The following B3GNT3 variants were observed in gnomAD, a reference collection of about 807,000 sequenced individuals.
B3GNT3 encodes the protein N-acetyllactosaminide beta-1,3-N-acetylglucosaminyltransferase 3.
B3GNT3 carries 7 observed loss-of-function variants against 11.6 expected under a neutral mutation model. That is an observed-to-expected ratio of 0.60 (90% CI 0.34 to 1.13). B3GNT3 has a LOEUF of 1.13. Ranked by LOEUF, B3GNT3 falls within the 50% of genes most tolerant of loss-of-function variation. The pLI is 0.03. For missense variants in B3GNT3, 400 were observed against 507.4 expected, an observed-to-expected ratio of 0.79 and a Z score of 2.03; for synonymous variants, 201 against 222.1, an observed-to-expected ratio of 0.90 and a Z score of 0.85.
intron 1 of B3GNT3, among the ~76,000 whole-genome samples, chr19:17,799,673 A>G (rs890378481): frequency 3.3e-5 from 5 of 151,960 alleles, no homozygotes; most frequent in African/African-American, 1.2e-4. Flanking sequence ...CCCTTCCTCA[A>G]CGGCTGTCGG....
At chr19:17,804,533 C>CTGTTTTTTTT (rs1836993268) in intron 1 of B3GNT3, among the ~76,000 whole-genome samples, 1 of 57,016 alleles carries the variant, frequency 1.8e-5, no homozygotes, top group Non-Finnish European at 2.8e-5. Flanking sequence ...CCGTGCCCAG[C>CTGTTTTTTTT]TTTTTTTTTT....
chr19:17,806,509 A>T (rs1211457305), intron 1 of B3GNT3, among the ~76,000 whole-genome samples: 1 of 152,082 alleles, frequency 6.6e-6, no homozygotes, highest in Non-Finnish European at 1.5e-5. Context: ...GGTGGCCGAG[A>T]GTTGGCCAGG....
chr19:17,803,995 C>T (rs2094169533), intron 1 of B3GNT3, among the ~76,000 whole-genome samples: 1 of 152,190 alleles, frequency 6.6e-6, no homozygotes, highest in African/African-American at 2.4e-5. Flanking sequence ...GACCCTGTCT[C>T]TTAAAACACA....
chr19:17,798,231 A>G (rs896859310), intron 1 of B3GNT3, among the ~76,000 whole-genome samples: 6 of 152,190 alleles, frequency 3.9e-5, no homozygotes, highest in Admixed American at 2.6e-4. Flanking sequence ...GTGGTGTATC[A>G]GCGTCCTGGG....
At chr19:17,809,468 A>G (rs1433152961) in intron 2 of B3GNT3, among the ~76,000 whole-genome samples, 1 of 149,114 alleles carries the variant, frequency 6.7e-6, no homozygotes, top group Non-Finnish European at 1.5e-5. Context: ...TTTTTTTTGG[A>G]TGGAGTCTGG....
intron 1 of B3GNT3, among the ~76,000 whole-genome samples, chr19:17,802,803 G>A (rs751641476): frequency 1.3e-5 from 2 of 151,976 alleles, no homozygotes; most frequent in Non-Finnish European, 2.9e-5. Context: ...TCAGCCTCCC[G>A]AGTAGCTGGG....
chr19:17,807,963 A>ACCCCCCC lies in B3GNT3; in HGVS notation c.159_160insCCCCCCC (p.Thr54ProfsTer51). On this transcript the variant is annotated frameshift_variant, in exon 2 of 3. Coordinates refer to ENST00000318683, the MANE Select transcript of B3GNT3 (RefSeq NM_014256.4). LOFTEE classifies it high-confidence loss of function. ...CCGAGGCCCTGGCCTGGCCCACTCCACCCACCCGCCCAGCCCCGGCCCCGT... is the reference window on the plus strand; with the variant it reads ...CCGAGGCCCTGGCCTGGCCCACTCCACCCCCCCCCCACCCGCCCAGCCCCGGCCCCGT... The ACCCCCCC allele has an allele frequency of 2.2e-5, 27 of 1,223,188 alleles. No homozygotes were observed. The highest frequency in any genetic ancestry group is 2.9e-5 in the Non-Finnish European group (25 of 866,384). The allele number at this position is 1,223,188 out of a possible 1,614,324, so 75.8% of individuals were successfully genotyped here. A position where few individuals can be genotyped will look rare whatever the true frequency, so the allele number is the denominator to read the frequency against.
At position 17,811,614 on chromosome 19, in the gene B3GNT3, G is replaced by A. The variant is rs1233132371; in HGVS notation, c.611G>A (p.Ser204Asn). Residue 204 changes from serine to asparagine, a missense_variant, in exon 3 of 3, where the codon AGC (serine) becomes AAC (asparagine). Ser to Asn is a conservative substitution (Grantham distance 46). Transcript: ENST00000318683. This position sits in a 1 kb window ranked among gnomAD's most constrained non-coding sequence, Gnocchi z 4.1. ...QWQETRCANA[S>N]FVLNGDDDVF... ...CAGGAGACAAGGTGCGCCAACGCCA[G>A]CTTCGTGCTCAACGGGGATGATGAC... The A allele has an allele frequency of 6.2e-7, 1 of 1,613,988 alleles. No homozygotes were observed. The highest frequency in any genetic ancestry group is 1.1e-5 in the South Asian group (1 of 91,076).
At position 17,812,000 on chromosome 19, in the gene B3GNT3, G is replaced by A; in HGVS notation, c.997G>A (p.Asp333Asn). The A allele has an allele frequency of 6.2e-7, 1 of 1,601,912 alleles. No individual in the cohort carries two copies. The highest frequency in any genetic ancestry group is 2.2e-5 in the East Asian group (1 of 44,860). Residue 333 changes from aspartate (D) to asparagine (N), a missense_variant, in exon 3 of 3, where the codon GAC becomes AAC. Coordinates refer to ENST00000318683, the MANE Select transcript of B3GNT3 (RefSeq NM_014256.4). The surrounding 1 kb of genome is among the most constrained non-coding windows in gnomAD (Gnocchi z 4.1). ...RAPSQRLSSF[D>N]PCFYRDLLLV... is the part of the protein sequence containing the mutation. Reference sequence around the variant, plus strand: ...TCCATCGCAACGCCTGTCCTCCTTTGACCCCTGCTTCTACCGAGACCTGCT... The same window carrying A: ...TCCATCGCAACGCCTGTCCTCCTTTAACCCCTGCTTCTACCGAGACCTGCT...
intron 2 of B3GNT3, among the ~76,000 whole-genome samples, chr19:17,809,440 G>T (rs1347951943): frequency 6.6e-6 from 1 of 150,734 alleles, no homozygotes; most frequent in Non-Finnish European, 1.5e-5. Flanking sequence ...TAATTTTTAT[G>T]TTTTTTTAAT....
At chr19:17,807,664 A>G in intron 1 of B3GNT3, 94 bp from the exon 2 acceptor site, 1 of 778,536 alleles carries the variant, frequency 1.3e-6, no homozygotes, top group Non-Finnish European at 2.0e-6. Context: ...TATTTTGCCA[A>G]CCTGAGCAAC....
chr19:17,807,063 A>G (rs984715113), intron 1 of B3GNT3, among the ~76,000 whole-genome samples: 2 of 149,834 alleles, frequency 1.3e-5, no homozygotes, highest in Non-Finnish European at 3.0e-5. Flanking sequence ...CGGTCACCAC[A>G]CAGCTAATAT....
At chr19:17,795,722 TGAACCG>T (rs2094158792) in intron 1 of B3GNT3, among the ~76,000 whole-genome samples, 1 of 152,192 alleles carries the variant, frequency 6.6e-6, no homozygotes, top group African/African-American at 2.4e-5. Context: ...GACACATTGC[TGAACCG>T]GCCTCAGTTT....
intron 1 of B3GNT3, among the ~76,000 whole-genome samples, chr19:17,798,088 G>A (rs1827827185): frequency 1.3e-5 from 2 of 152,240 alleles, no homozygotes; most frequent in South Asian, 4.2e-4. Flanking sequence ...AGACTCCTCG[G>A]GTTCCTCCAC....
At chr19:17,808,415 T>C in intron 2 of B3GNT3, 41 bp downstream of exon 2, 2 of 1,546,508 alleles carry the variant, frequency 1.3e-6, no homozygotes, top group Non-Finnish European at 8.7e-7. Flanking sequence ...CCACCTGTCC[T>C]TCTTGTCCAA....
chr19:17,808,448 C>G, intron 2 of B3GNT3, 74 bp downstream of exon 2: 3 of 1,440,666 alleles, frequency 2.1e-6, no homozygotes, highest in Non-Finnish European at 2.8e-6. Flanking sequence ...TCCTGAGGGA[C>G]CCAGGGGACC....
At chr19:17,806,860 G>A (rs1229171624) in intron 1 of B3GNT3, among the ~76,000 whole-genome samples, 1 of 151,558 alleles carries the variant, frequency 6.6e-6, no homozygotes, top group Non-Finnish European at 1.5e-5. Context: ...GATGAGGCAG[G>A]AGGATCGCTC....
Position 17,808,246 on chromosome 19 carries a change from G to A in B3GNT3, c.439G>A (p.Val147Met). The A allele has an allele frequency of 6.2e-7, 1 of 1,613,620 alleles. No homozygotes were observed. The highest frequency in any genetic ancestry group is 8.5e-7 in the Non-Finnish European group (1 of 1,179,884). Residue 147 changes from valine to methionine, a missense_variant, in exon 2 of 3, where the codon GTG (valine) becomes ATG (methionine). Transcript: ENST00000318683. ...TTTGCAGCTGCGCCTCCTCTTCCTG[G>A]TGGGCACAGCCTCCAACCCGCACGA... ...RGLQLRLLFL[V>M]GTASNPHEAR...
intron 2 of B3GNT3, among the ~76,000 whole-genome samples, chr19:17,808,699 ATGGGATG>A (rs2094176942): frequency 6.6e-6 from 1 of 152,154 alleles, no homozygotes; most frequent in South Asian, 2.1e-4. Context: ...CACCTGGAAA[ATGGGATG>A]TGAATGAGTC....
Sources: gnomAD v4.1 joint callset for allele counts (sites outside exome capture counted in the v4.1 genomes callset) on GRCh38, gnomAD v4.1.1 for gene constraint, Gnocchi (gnomAD v3.1) non-coding constraint, MANE v1.5 for transcripts, NCBI Gene and HGNC (gene_info 2026-07-23, HGNC 2026-07-21) for gene names.